Variants in RNF216 observed in about 807,000 individuals in gnomAD.
RNF216 encodes the protein E3 ubiquitin-protein ligase RNF216.
Under a neutral mutation model 110.8 loss-of-function variants are expected in RNF216, and 72 were observed. The ratio of observed to expected loss-of-function variants is 0.65; its 90% CI spans 0.54 to 0.79. The LOEUF (loss-of-function observed/expected upper bound fraction) is 0.79. Among genes scored for constraint, RNF216 ranks in the 30% least tolerant of loss-of-function variants. The pLI, the probability that RNF216 is intolerant of heterozygous loss-of-function variation, is 0.00. For missense variants in RNF216, 1,342 were observed against 1,141.2 expected, an observed-to-expected ratio of 1.18 and a Z score of -2.54; for synonymous variants, 495 against 407.5, an observed-to-expected ratio of 1.21 and a Z score of -2.59.
chr7:5,748,607 TACATACACACACACAC>T (rs968468471), intron 3 of RNF216, among the ~76,000 whole-genome samples: 24 of 97,326 alleles, frequency 2.5e-4, no homozygotes, highest in Admixed American at 1.4e-3. Flanking sequence ...ATTTTTTATA[TACATACACACACACAC>T]ACACACACAC....
chr7:5,638,546 A>C (rs1047976652), intron 15 of RNF216, among the ~76,000 whole-genome samples: 1 of 152,112 alleles, frequency 6.6e-6, no homozygotes, highest in Non-Finnish European at 1.5e-5. Flanking sequence ...ACCAGCAGCC[A>C]GGTACTATTT....
intron 3 of RNF216, among the ~76,000 whole-genome samples, chr7:5,749,212 G>A (rs1258585508): frequency 1.3e-5 from 2 of 148,356 alleles, no homozygotes; most frequent in African/African-American, 2.5e-5. Context: ...GTGCAGTGGC[G>A]TGATCTTGGC....
At chr7:5,623,375 A>G (rs1195305255) in intron 16 of RNF216, among the ~76,000 whole-genome samples, 196 bp from the exon 17 acceptor site, 1 of 152,132 alleles carries the variant, frequency 6.6e-6, no homozygotes, top group African/African-American at 2.4e-5. Context: ...CTTGCTCCAC[A>G]GTGGCACCTT....
chr7:5,742,067 GAC>G (rs1329106886), intron 3 of RNF216, among the ~76,000 whole-genome samples: 6 of 152,112 alleles, frequency 3.9e-5, no homozygotes, highest in Non-Finnish European at 8.8e-5. Flanking sequence ...TTATTTTTGA[GAC>G]ACAGTTTTCC....
chr7:5,711,529 T>C (rs529755085), intron 13 of RNF216, among the ~76,000 whole-genome samples: 3 of 152,340 alleles, frequency 2.0e-5, no homozygotes, highest in Non-Finnish European at 4.4e-5. Flanking sequence ...AAGAAGATGA[T>C]ATAAAATAGG....
In RNF216 at chr7:5,655,521, G is replaced by C. The variant is rs187506505; in HGVS notation, c.2062-3011C>G. On this transcript the variant is annotated intron_variant, in intron 13 of 16. Transcript: ENST00000389902. ...CCTGTGAGGCTGAGGCAGGAGAATT[G>C]CTTGAACCTGGGGGGCGGAGGTTGC... Among the ~76,000 whole-genome samples, 238 of 152,222 alleles carry C rather than the reference G, an allele frequency of 1.6e-3. 1 individual carries two copies. The highest frequency in any genetic ancestry group is 3.4e-3 in the Middle Eastern group (1 of 294).
chr7:5,710,197 T>C (rs947666531), intron 13 of RNF216, among the ~76,000 whole-genome samples: 2 of 152,134 alleles, frequency 1.3e-5, no homozygotes, highest in East Asian at 3.9e-4. Flanking sequence ...TCATCTCTAC[T>C]AAAAATATAA....
At chr7:5,724,300 G>T (rs1312088046) in intron 8 of RNF216, among the ~76,000 whole-genome samples, 8 of 152,178 alleles carry the variant, frequency 5.3e-5, no homozygotes, top group African/African-American at 1.9e-4. Flanking sequence ...TACAACCATG[G>T]CAGGACATTT....
intron 13 of RNF216, among the ~76,000 whole-genome samples, chr7:5,678,828 G>A (rs1428212369): frequency 1.3e-5 from 2 of 152,220 alleles, no homozygotes; most frequent in African/African-American, 4.8e-5. Context: ...GGGAAGACAT[G>A]AGAGCTGGAC....
Position 5,739,367 on chromosome 7 carries a change from G to C in RNF216, c.1045-15C>G, listed in dbSNP as rs1004009144. 6.3e-7 allele frequency: 1 copy of C among 1,586,738 alleles called. No homozygotes were observed. Among genetic ancestry groups the C allele is most frequent in the Admixed American group, 1.9e-5 (1 of 53,452 alleles). Reference sequence around the variant, plus strand: ...AATCTTGCTTCCTAGAAACAAATAAGAACATAATTTATATTTCATTCACTA... The same window carrying C: ...AATCTTGCTTCCTAGAAACAAATAACAACATAATTTATATTTCATTCACTA... On this transcript the variant is annotated splice_polypyrimidine_tract_variant and intron_variant, in intron 4 of 16. Coordinates refer to ENST00000389902, the MANE Select transcript of RNF216 (RefSeq NM_207111.4).
intron 7 of RNF216, 29 bp downstream of exon 7, chr7:5,729,403 G>C: frequency 6.2e-7 from 1 of 1,610,182 alleles, no homozygotes; most frequent in Non-Finnish European, 8.5e-7. Flanking sequence ...CAAGAGGTGT[G>C]ACCCCAACAG....
intron 1 of RNF216, among the ~76,000 whole-genome samples, chr7:5,769,184 CT>C (rs973599443): frequency 7.4e-5 from 11 of 148,688 alleles, no homozygotes; most frequent in Admixed American, 4.7e-4. Context: ...GTGGCACAAT[CT>C]CAGCTCACTG....
chr7:5,690,309 A>T (rs547868734), intron 13 of RNF216, among the ~76,000 whole-genome samples: 1 of 150,584 alleles, frequency 6.6e-6, no homozygotes, highest in Admixed American at 6.6e-5. Flanking sequence ...CCTGGGCAAC[A>T]AGAGTGAAAT....
At chr7:5,762,359 T>C (rs1308391521) in intron 1 of RNF216, among the ~76,000 whole-genome samples, 15 of 150,422 alleles carry the variant, frequency 1.0e-4, no homozygotes, top group Non-Finnish European at 1.9e-4. Context: ...CCCATCTCTA[T>C]TAAAAACACA....
chr7:5,728,553 A>G (rs1438691193), intron 7 of RNF216, among the ~76,000 whole-genome samples: 2 of 151,900 alleles, frequency 1.3e-5, no homozygotes, highest in Non-Finnish European at 2.9e-5. Flanking sequence ...CAGCCTGGGC[A>G]ACAGAGTGAG....
chr7:5,666,413 G>A (rs1383957020), intron 13 of RNF216, among the ~76,000 whole-genome samples: 4 of 152,164 alleles, frequency 2.6e-5, no homozygotes, highest in African/African-American at 7.2e-5. Flanking sequence ...TAAGAAAGGC[G>A]AGGGAGAGAG....
At chr7:5,726,349 C>T (rs1793751471) in intron 7 of RNF216, among the ~76,000 whole-genome samples, 1 of 152,130 alleles carries the variant, frequency 6.6e-6, no homozygotes, top group East Asian at 1.9e-4. Flanking sequence ...TGGTGAGTCC[C>T]ATTCTGTAGG....
rs550374815 is a variant in RNF216 at position 5,768,665 on chromosome 7, GT to G, written c.-69-7528del. The stretch of plus-strand genomic sequence containing the variant: ...GAAATGTGAGAAATGAAGCAACTTT[GT>G]TTTTTTTTTTTTTGGGACAGAGTCT... On this transcript the variant is annotated intron_variant, in intron 1 of 16. Coordinates refer to ENST00000389902, the MANE Select transcript of RNF216 (RefSeq NM_207111.4). Among the ~76,000 whole-genome samples the G allele has an allele frequency of 2.5e-3, 349 of 141,070 alleles. 1 individual carries two copies. The highest frequency in any genetic ancestry group is 0.011 in the Middle Eastern group (3 of 284). The allele number at this position is 141,070 out of a possible 152,430, so 92.5% of individuals were successfully genotyped here. A position where few individuals can be genotyped will look rare whatever the true frequency, so the allele number is the denominator to read the frequency against.
intron 13 of RNF216, among the ~76,000 whole-genome samples, chr7:5,669,749 C>T (rs1311041675): frequency 2.0e-5 from 3 of 152,024 alleles, no homozygotes; most frequent in Non-Finnish European, 2.9e-5. Context: ...AAAATTAGTC[C>T]GACATGGTGT....
Sources: allele counts gnomAD v4.1 joint callset (sites outside exome capture counted in the v4.1 genomes callset), GRCh38; gene constraint gnomAD v4.1.1; transcripts MANE v1.5; gene names NCBI Gene and HGNC (gene_info 2026-07-23, HGNC 2026-07-21).